The following DYNC2I1 variants were observed in gnomAD, a reference collection of about 807,000 sequenced individuals.
DYNC2I1 encodes the protein dynein 2 intermediate chain 1.
In DYNC2I1, 89 loss-of-function variants were observed where a neutral mutation model predicts 133.4. The observed-to-expected ratio is 0.67, with a 90% CI of 0.56 to 0.80. The LOEUF is 0.80. DYNC2I1 is among the 30% of genes least tolerant of loss of function. The pLI, the probability that DYNC2I1 is intolerant of heterozygous loss-of-function variation, is 0.00. For synonymous variants in DYNC2I1, 504 were observed against 484.3 expected, an observed-to-expected ratio of 1.04 and a Z score of -0.54; for missense variants, 1,291 against 1,314.5, an observed-to-expected ratio of 0.98 and a Z score of 0.28.
intron 12 of DYNC2I1, among the ~76,000 whole-genome samples, chr7:158,912,543 T>C (rs553329130): frequency 6.6e-6 from 1 of 152,282 alleles, no homozygotes; most frequent in Non-Finnish European, 1.5e-5. Flanking sequence ...ACTGTAGCCT[T>C]GAACTCCTCG....
intron 1 of DYNC2I1, among the ~76,000 whole-genome samples, chr7:158,863,666 G>T (rs1307087555): frequency 2.2e-5 from 2 of 89,962 alleles, no homozygotes; most frequent in Admixed American, 1.0e-4. Context: ...CTGGGGGGGG[G>T]TGTGGGGAGA....
rs913441880 is a variant in DYNC2I1, at chr7:158,934,071, C to T, written c.2547-58C>T. Reference sequence around the variant, plus strand: ...TAGTGCAAATCAGTGTTAATACCATCATTATTCTTAAGGTTGGAAACAGTC... The same window carrying T: ...TAGTGCAAATCAGTGTTAATACCATTATTATTCTTAAGGTTGGAAACAGTC... On this transcript the variant is annotated intron_variant, in intron 21 of 24. Transcript: ENST00000407559. The T allele has an allele frequency of 5.8e-6, 7 of 1,202,402 alleles. No homozygotes were observed. The African/African-American group carries it at 1.1e-4, about 18-fold the overall frequency. 74.5% of individuals were successfully genotyped at this position (1,202,402 alleles called of 1,614,324 possible).
chr7:158,933,334 A>G (rs916954011), intron 21 of DYNC2I1, among the ~76,000 whole-genome samples: 1 of 152,250 alleles, frequency 6.6e-6, no homozygotes, highest in Non-Finnish European at 1.5e-5. Context: ...TTGAGCTGCT[A>G]TGTGATGGCT....
intron 8 of DYNC2I1, among the ~76,000 whole-genome samples, chr7:158,898,251 G>A (rs987184566): frequency 2.0e-5 from 3 of 152,150 alleles, no homozygotes; most frequent in African/African-American, 7.2e-5. Flanking sequence ...CATTATACCC[G>A]GTTCACTGAT....
chr7:158,953,837 G>A (rs576770926), intron 4 of DYNC2I1, among the ~76,000 whole-genome samples: 3 of 151,864 alleles, frequency 2.0e-5, no homozygotes, highest in Admixed American at 6.5e-5. Context: ...GGTGGTGAAT[G>A]GCATATATGT....
chr7:158,872,713 A>G (rs1399304804), intron 3 of DYNC2I1, among the ~76,000 whole-genome samples: 1 of 151,382 alleles, frequency 6.6e-6, no homozygotes, highest in Non-Finnish European at 1.5e-5. Flanking sequence ...AACATATTTT[A>G]GGGCCAGGCA....
In DYNC2I1 at chr7:158,918,730, T is replaced by C; in HGVS notation, c.1792-10T>C. On this transcript the variant is annotated splice_polypyrimidine_tract_variant and intron_variant, in intron 14 of 24. Coordinates refer to ENST00000407559, the MANE Select transcript of DYNC2I1 (RefSeq NM_018051.5). ...GTTTTTATTAAAGACTACTCACTTA[T>C]GTCTGACAGGTGATGGCCGTTTTGC... 4.3e-6 allele frequency: 7 copies of C among 1,613,492 alleles called. No homozygotes were observed. The highest frequency in any genetic ancestry group is 5.9e-6 in the Non-Finnish European group (7 of 1,179,640).
upstream of DYNC2I1, among the ~76,000 whole-genome samples, chr7:158,854,513 G>A (rs58056552): frequency 6.6e-6 from 1 of 151,170 alleles, no homozygotes; most frequent in Non-Finnish European, 1.5e-5. Context: ...GGGGGCTGGG[G>A]GATAGCATTA....
Position 158,888,019 on chromosome 7 carries a change from C to CTTT in DYNC2I1, c.990+966_990+968dup, listed in dbSNP as rs545903783. ...TTAGGGTTATTATCAAACCATTGTC[C>CTTT]TTTTTTTTTTTTTTTTTTTTTTTTG... On this transcript the variant is annotated intron_variant, in intron 7 of 24. Coordinates refer to ENST00000407559, the MANE Select transcript of DYNC2I1 (RefSeq NM_018051.5). Among the ~76,000 whole-genome samples the CTTT allele has an allele frequency of 1.9e-3, 180 of 96,564 alleles. 5 individuals carry two copies. The highest frequency in any genetic ancestry group is 4.1e-3 in the African/African-American group (93 of 22,932). 63.3% of individuals were successfully genotyped at this position (96,564 alleles called of 152,430 possible). A position where few individuals can be genotyped will look rare whatever the true frequency, so the allele number is the denominator to read the frequency against.
chr7:158,919,150 A>G (rs994275487), intron 15 of DYNC2I1, among the ~76,000 whole-genome samples: 1 of 152,202 alleles, frequency 6.6e-6, no homozygotes, highest in Non-Finnish European at 1.5e-5. Flanking sequence ...GAGATTTTCT[A>G]TGTGTTTGAA....
upstream of DYNC2I1, among the ~76,000 whole-genome samples, chr7:158,854,499 C>CG (rs561518175): frequency 0.015 from 424 of 28,774 alleles, 2 homozygotes; most frequent in African/African-American, 0.042. Context: ...GGGGGTCTGT[C>CG]GGGGGGGGCT....
intron 11 of DYNC2I1, among the ~76,000 whole-genome samples, chr7:158,909,860 A>C (rs548041548): frequency 1.1e-3 from 168 of 152,128 alleles, no homozygotes; most frequent in African/African-American, 3.9e-3. Flanking sequence ...CCGGTGGGAG[A>C]ATTTCTGATA....
upstream of DYNC2I1, among the ~76,000 whole-genome samples, chr7:158,853,769 C>A (rs1841107342): frequency 6.6e-6 from 1 of 151,806 alleles, no homozygotes; most frequent in Non-Finnish European, 1.5e-5. Context: ...AGTCTCCTGC[C>A]TCAGCCCCCA....
chr7:158,888,672 G>A (rs914752561), intron 7 of DYNC2I1, among the ~76,000 whole-genome samples: 2 of 151,668 alleles, frequency 1.3e-5, no homozygotes, highest in African/African-American at 4.8e-5. Flanking sequence ...GTTTCACCAT[G>A]TTGGCCAGGC....
the DYNC2I1 span, among the ~76,000 whole-genome samples, chr7:158,840,562 G>A: frequency 1.3e-4 from 20 of 152,264 alleles, no homozygotes; most frequent in South Asian, 4.1e-4. Context: ...GCAAGACTCC[G>A]TCTAAAAAAA....
At position 158,871,471 on chromosome 7, in the gene DYNC2I1, G is replaced by A. The variant is rs367611794; in HGVS notation, c.399G>A (p.Glu133=). The A allele has an allele frequency of 2.6e-6, 4 of 1,549,006 alleles. No individual in the cohort carries two copies. In the African/African-American group the frequency reaches 5.5e-5, roughly 21 times the overall value. ...AAGACAGAAGGGCCCGGAAGGAAGA[G>A]CTCCGGCAGACCGTGGCCCACCACA... ...KEKDRRARKE[E]LRQTVAHHNL... The change falls in exon 3 of 25, where the codon GAG becomes GAA. Residue 133 remains glutamate, a synonymous_variant. Transcript: ENST00000407559.
In DYNC2I1 at chr7:158,903,025, C is replaced by G. The variant is rs929596121; in HGVS notation, c.1357+430C>G. The G allele has an allele frequency of 2.5e-5, 4 of 160,898 alleles. 1 individual carries two copies. The South Asian group carries it at 7.5e-4, about 30-fold the overall frequency. 10.0% of individuals were successfully genotyped at this position (160,898 alleles called of 1,614,324 possible). On this transcript the variant is annotated intron_variant, in intron 10 of 24. Coordinates refer to ENST00000407559, the MANE Select transcript of DYNC2I1 (RefSeq NM_018051.5). ...TTTTATCCGTCTGTGAGCACATGCT[C>G]TTATTTTTCCTGATGATGTGCTCCT...
the DYNC2I1 span, among the ~76,000 whole-genome samples, chr7:158,849,417 A>G: frequency 0.085 from 12,974 of 152,206 alleles, 775 homozygotes; most frequent in Middle Eastern, 0.2. Flanking sequence ...TGGGGGTTTC[A>G]TTTTCTGGCT....
At chr7:158,858,118 C>T (rs1464720373) in intron 1 of DYNC2I1, among the ~76,000 whole-genome samples, 3 of 152,218 alleles carry the variant, frequency 2.0e-5, no homozygotes, top group East Asian at 1.9e-4. Flanking sequence ...TTTAACTTTC[C>T]CCTAGTTAAG....
Sources: gnomAD v4.1 joint callset for allele counts (sites outside exome capture counted in the v4.1 genomes callset) on GRCh38, gnomAD v4.1.1 for gene constraint, MANE v1.5 for transcripts, NCBI Gene and HGNC (gene_info 2026-07-23, HGNC 2026-07-21) for gene names.